Variants in RFX6 observed in about 807,000 individuals in gnomAD.
RFX6 encodes regulatory factor X6.
In RFX6, 50 loss-of-function variants were observed where a neutral mutation model predicts 110.8. The observed-to-expected ratio is 0.45, with a 90% CI of 0.36 to 0.57. The LOEUF is 0.57. Ranked by LOEUF, RFX6 falls within the 20% of genes least tolerant of loss-of-function variation. The probability of loss-of-function intolerance (pLI) is 0.00; values close to 1 mark genes in which losing one functional copy is unlikely to be tolerated. For synonymous variants in RFX6, 383 were observed against 411.2 expected (o/e 0.93, Z 0.83); for missense variants, 990 against 1,127.0 (o/e 0.88, Z 1.74).
chr6:116,880,411 T>G, intron 2 of RFX6, 133 bp from the exon 3 acceptor site: 1 of 758,564 alleles, frequency 1.3e-6, no homozygotes, highest in Non-Finnish European at 2.1e-6. Flanking sequence ...ATATCCAGAA[T>G]AAACGAAGTC....
intron 6 of RFX6, among the ~76,000 whole-genome samples, chr6:116,905,927 A>G (rs1257372324): frequency 7.1e-6 from 1 of 141,246 alleles, no homozygotes; most frequent in African/African-American, 2.6e-5. Context: ...TTTCCAAATC[A>G]CATGTTTCCT....
chr6:116,880,518 A>T (rs1489564107), intron 2 of RFX6, 26 bp from the exon 3 acceptor site: 1 of 1,603,166 alleles, frequency 6.2e-7, no homozygotes, highest in Non-Finnish European at 8.5e-7. Flanking sequence ...AAAATATTTG[A>T]CCTAATTTTT....
chr6:116,895,179 G>T lies in RFX6; in HGVS notation c.645-1G>T. 1 of 1,469,206 alleles carries T rather than the reference G, an allele frequency of 6.8e-7. No homozygotes were observed. Among genetic ancestry groups the T allele is most frequent in the South Asian group, 1.1e-5 (1 of 87,880 alleles). 91.0% of individuals were successfully genotyped at this position (1,469,206 alleles called of 1,614,324 possible). On this transcript the variant is annotated splice_acceptor_variant, in intron 5 of 18. Transcript: ENST00000332958. LOFTEE classifies it high-confidence loss of function. ...AATGGAAAATGTACTAATTTTTTAA[G>T]GTTTTCTGGAAGCAAGCTAAAGAAT... is the stretch of plus-strand genomic sequence containing the variant.
chr6:116,916,003 A>T lies in RFX6; in HGVS notation c.781-5A>T. The T allele has an allele frequency of 1.2e-6, 2 of 1,600,232 alleles. No individual in the cohort carries two copies. The highest frequency in any genetic ancestry group is 8.6e-7 in the Non-Finnish European group (1 of 1,168,114). ...TTTGGTTAAGCTTTTTCTTCCTTGA[A>T]ATAGGTTGATACGCTCATAATGATG... On this transcript the variant is annotated splice_region_variant and splice_polypyrimidine_tract_variant and intron_variant, in intron 7 of 18. Transcript: ENST00000332958.
chr6:116,918,010 G>T lies in RFX6; in HGVS notation c.973-27G>T, dbSNP rs367721560. On this transcript the variant is annotated intron_variant, in intron 9 of 18. Transcript: ENST00000332958. ...CTATAGAAATACTAAGTAAAGATTT[G>T]TATTAACCTCTTTTGCTATGATTAA... The T allele has an allele frequency of 1.1e-5, 17 of 1,535,156 alleles. No homozygotes were observed. The African/African-American group carries it at 1.9e-4, about 17-fold the overall frequency.
chr6:116,928,107 A>T (rs955093535), intron 17 of RFX6, among the ~76,000 whole-genome samples: 6 of 151,840 alleles, frequency 4.0e-5, no homozygotes, highest in African/African-American at 9.7e-5. Context: ...TAGTTAAATC[A>T]TATGTTTGAG....
rs1023696054 is a variant in RFX6 at position 116,877,262 on chromosome 6, C to T, written c.-14C>T. ...GCCGAGCGGCGCGCGCGGAGGTGTC[C>T]GGCGGCCAGGAGGATGGCCAAGGTC... On this transcript the variant is annotated 5_prime_UTR_variant, in exon 1 of 19. Transcript: ENST00000332958. The T allele has an allele frequency of 1.9e-6, 3 of 1,597,570 alleles. No homozygotes were observed. The highest frequency in any genetic ancestry group is 1.3e-5 in the African/African-American group (1 of 74,272).
At chr6:116,930,113 G>A (rs1884833) in intron 18 of RFX6, among the ~76,000 whole-genome samples, 12,686 of 152,222 alleles carry the variant, frequency 0.083, 688 homozygotes, top group Non-Finnish European at 0.13. Context: ...AAGCTTTGAC[G>A]AAACATAGGT....
chr6:116,909,419 A>T (rs993166317), intron 6 of RFX6, among the ~76,000 whole-genome samples: 7 of 151,886 alleles, frequency 4.6e-5, no homozygotes, highest in African/African-American at 1.7e-4. Flanking sequence ...TAAGTTATTT[A>T]TTTTCTTGTT....
intron 6 of RFX6, among the ~76,000 whole-genome samples, chr6:116,897,289 A>T (rs1438225728): frequency 2.6e-5 from 4 of 151,666 alleles, no homozygotes; most frequent in African/African-American, 9.7e-5. Context: ...TATCAAGTAT[A>T]TTGTAGGATG....
At chr6:116,916,150 G>A (rs1582530509) in intron 8 of RFX6, 51 bp from the exon 9 acceptor site, 3 of 1,546,746 alleles carry the variant, frequency 1.9e-6, no homozygotes, top group Admixed American at 1.7e-5. Flanking sequence ...TGTTCTTAAT[G>A]AGTTCATGTT....
chr6:116,916,094 G>T lies in RFX6; in HGVS notation c.858+9G>T. On this transcript the variant is annotated intron_variant, in intron 8 of 18. Coordinates refer to ENST00000332958, the MANE Select transcript of RFX6 (RefSeq NM_173560.4). ...ATGGAAACTTTGAAGAGGTAAGAAT[G>T]ACAAAGAATGCTTTATTTGACCCTA... 6.3e-7 allele frequency: 1 copy of T among 1,593,312 alleles called. No individual in the cohort carries two copies.
intron 7 of RFX6, among the ~76,000 whole-genome samples, chr6:116,913,886 T>C (rs1462283661): frequency 6.6e-6 from 1 of 152,218 alleles, no homozygotes; most frequent in African/African-American, 2.4e-5. Flanking sequence ...ATCAGTGTAA[T>C]TGGGTTACTG....
At chr6:116,926,219 C>T (rs531977813) in intron 16 of RFX6, among the ~76,000 whole-genome samples, 30 of 152,200 alleles carry the variant, frequency 2.0e-4, no homozygotes, top group African/African-American at 7.2e-4. Context: ...ACCCAGGAGG[C>T]GGACCTTGCA....
At chr6:116,895,342 A>G in intron 6 of RFX6, 135 bp downstream of exon 6, 1 of 570,042 alleles carries the variant, frequency 1.8e-6, no homozygotes, top group Non-Finnish European at 3.2e-6. Context: ...GAAGGACTTC[A>G]GATACAGCTC....
chr6:116,907,480 A>G (rs1775231763), intron 6 of RFX6, among the ~76,000 whole-genome samples: 1 of 152,012 alleles, frequency 6.6e-6, no homozygotes, highest in Admixed American at 6.6e-5. Flanking sequence ...GCTGAAGCCA[A>G]CTCTGGGGCT....
chr6:116,913,949 C>T (rs1020383467), intron 7 of RFX6, among the ~76,000 whole-genome samples: 2 of 152,198 alleles, frequency 1.3e-5, no homozygotes, highest in Non-Finnish European at 2.9e-5. Flanking sequence ...GAATTGTTCT[C>T]TTCTAGCTAC....
chr6:116,902,377 A>C (rs1775094317), intron 6 of RFX6, among the ~76,000 whole-genome samples: 1 of 152,020 alleles, frequency 6.6e-6, no homozygotes, highest in African/African-American at 2.4e-5. Flanking sequence ...CAACAACAAA[A>C]AACAACAAAA....
chr6:116,928,733 C>T (rs1350098034), intron 17 of RFX6, 26 bp from the exon 18 acceptor site: 2 of 1,549,992 alleles, frequency 1.3e-6, no homozygotes, highest in Non-Finnish European at 1.8e-6. Context: ...AAGTTAACAG[C>T]AAATTCTCAA....
Sources: allele counts gnomAD v4.1 joint callset (sites outside exome capture counted in the v4.1 genomes callset), GRCh38; gene constraint gnomAD v4.1.1; transcripts MANE v1.5; gene names NCBI Gene and HGNC (gene_info 2026-07-23, HGNC 2026-07-21).